OR1S2: variants seen among roughly 807,000 people sequenced by gnomAD.
OR1S2 encodes the protein olfactory receptor family 1 subfamily S member 2.
OR1S2 carries 1 observed loss-of-function variant against 1.7 expected under a neutral mutation model. The observed-to-expected ratio is 0.59, with a 90% CI of 0.21 to 2.81. The LOEUF (loss-of-function observed/expected upper bound fraction) is 2.81. OR1S2 is among the 30% of genes most tolerant of loss of function. The probability of loss-of-function intolerance (pLI) is 0.22; values close to 1 mark genes in which losing one functional copy is unlikely to be tolerated. For missense variants in OR1S2, 391 were observed against 371.6 expected (o/e 1.05, Z -0.43); for synonymous variants, 157 against 145.3 (o/e 1.08, Z -0.58).
chr11:58,203,744 T>G (rs1210413811), exon 1 of OR1S2: 1 of 1,613,970 alleles, frequency 6.2e-7, no homozygotes. Flanking sequence ...GCATGAAAGT[T>G]GTATAGTTCA....
At chr11:58,203,672 A>T in exon 1 of OR1S2, 1 of 1,614,098 alleles carries the variant, frequency 6.2e-7, no homozygotes, top group Non-Finnish European at 8.5e-7. Flanking sequence ...GGGTGTGTGT[A>T]AGAGCAATAA....
exon 1 of OR1S2, chr11:58,203,615 G>C (rs149451220): frequency 1.2e-6 from 2 of 1,614,194 alleles, no homozygotes. Context: ...CACAGAAGAA[G>C]TGTGGGAGAG....
chr11:58,203,369 C>T (rs750348902), exon 1 of OR1S2: 1 of 1,613,902 alleles, frequency 6.2e-7, no homozygotes, highest in African/African-American at 1.3e-5. Flanking sequence ...GGAAAAAGTA[C>T]ACGCCTACAG....
rs375910345 is a variant in OR1S2 at position 58,204,026 on chromosome 11, C to A, written c.117G>T (p.Val39=). The A allele has an allele frequency of 1.4e-5, 22 of 1,614,004 alleles. No individual in the cohort carries two copies. The South Asian group carries it at 2.3e-4, about 17-fold the overall frequency. The change falls in exon 1 of 1, where the codon GTG becomes GTT. Residue 39 remains valine (V), a synonymous_variant. Transcript: ENST00000641683. ...CCACAATGATGAGCCCGTTCCCAAC[C>A]ACAGTGACCACATACATACTCAGGA...
chr11:58,203,404 T>C lies in OR1S2; in HGVS notation c.739A>G (p.Ile247Val), dbSNP rs143725384. The C allele has an allele frequency of 7.5e-4, 1,210 of 1,613,420 alleles. 4 individuals are homozygous for C. The African/African-American group carries it at 0.01, about 14-fold the overall frequency. ...GTGGTTCCGTAGAACAGTAATGCAA[T>C]TGTCAGGTGAGAGCCACAAGTGGAG... Residue 247 changes from isoleucine (I) to valine (V), a missense_variant, in exon 1 of 1, where the codon ATT (isoleucine) becomes GTT (valine). Transcript: ENST00000641683.
chr11:58,203,324 A>T lies in OR1S2; in HGVS notation c.819T>A (p.Ile273=), dbSNP rs145428388. The change falls in exon 1 of 1, where the codon ATT becomes ATA. Residue 273 remains isoleucine (I), a synonymous_variant. Coordinates refer to ENST00000641683, the Ensembl canonical transcript of OR1S2. ...TCACCACAGTGAATAGGACAGCACCAATCTTATCAGTGTCCTCAGGGTGAG... is the reference window on the plus strand; with the variant it reads ...TCACCACAGTGAATAGGACAGCACCTATCTTATCAGTGTCCTCAGGGTGAG... 438 of 1,614,074 alleles carry T rather than the reference A, an allele frequency of 2.7e-4. 2 individuals are homozygous for T. The African/African-American group carries it at 5.1e-3, about 19-fold the overall frequency.
exon 1 of OR1S2, chr11:58,203,861 A>G (rs1340855970): frequency 1.9e-6 from 3 of 1,614,152 alleles, no homozygotes; most frequent in Non-Finnish European, 1.7e-6. Flanking sequence ...TGCAGCTCTC[A>G]TAAGAGATGG....
At chr11:58,203,447 C>T (rs756203155) in exon 1 of OR1S2, 33 of 1,613,892 alleles carry the variant, frequency 2.0e-5, no homozygotes, top group Non-Finnish European at 2.2e-5. Context: ...TCCACTTTCC[C>T]TGTGTGGATG....
chr11:58,203,889 AT>A lies in OR1S2; in HGVS notation c.253del (p.Ile85PhefsTer46). On this transcript the variant is annotated frameshift_variant, in exon 1 of 1. Transcript: ENST00000641683. LOFTEE classifies it low-confidence loss of function (END_TRUNC). ...AGAGATGGATTGGCTGTTGGTTTGA[AT>A]ATTCACCAGCATTTTGGGGACTGAG... 6.2e-7 allele frequency: 1 copy of A among 1,614,118 alleles called. No individual in the cohort carries two copies.
At chr11:58,204,004 C>T (rs1187450907) in exon 1 of OR1S2, 1 of 1,614,004 alleles carries the variant, frequency 6.2e-7, no homozygotes, top group South Asian at 1.1e-5. Context: ...CTGATAGCCA[C>T]AATGATGAGC....
chr11:58,203,793 G>T lies in OR1S2; in HGVS notation c.350C>A (p.Thr117Asn), dbSNP rs143141684. The stretch of plus-strand genomic sequence containing the variant: ...CGCCACAAAGTGGTCGAAGGCCATG[G>T]TCCCCAAAAGCAAATTGTCAGTGAC... Residue 117 changes from threonine to asparagine, a missense_variant, in exon 1 of 1, where the codon ACC becomes AAC. By Grantham distance (65) the Thr-to-Asn change is moderately conservative (BLOSUM62 0). Transcript: ENST00000641683. The T allele has an allele frequency of 9.2e-5, 149 of 1,614,102 alleles. 1 individual carries two copies. In the Middle Eastern group the frequency reaches 1.2e-3, roughly 13 times the overall value.
exon 1 of OR1S2, chr11:58,203,598 G>A (rs1432976614): frequency 3.7e-6 from 6 of 1,614,156 alleles, no homozygotes; most frequent in Non-Finnish European, 4.2e-6. Flanking sequence ...GAGCAGAGGG[G>A]CCAAGTCACA....
rs765326750 is a variant in OR1S2 at position 58,203,417 on chromosome 11, G to A, written c.726C>T (p.Gly242=). 35 of 1,613,904 alleles carry A rather than the reference G, an allele frequency of 2.2e-5. No homozygotes were observed. The South Asian group carries it at 3.8e-4, about 18-fold the overall frequency. Residue 242 remains glycine (G), a synonymous_variant, in exon 1 of 1, where the codon GGC becomes GGT. Transcript: ENST00000641683. The stretch of plus-strand genomic sequence containing the variant: ...ACAGTAATGCAATTGTCAGGTGAGA[G>A]CCACAAGTGGAGAAGGCTTTCCACT...
chr11:58,203,771 C>T, exon 1 of OR1S2: 4 of 1,614,056 alleles, frequency 2.5e-6, no homozygotes, highest in Non-Finnish European at 3.4e-6. Flanking sequence ...GGCAGATCGC[C>T]ACAAAGTGGT....
exon 1 of OR1S2, chr11:58,204,098 C>T: frequency 6.2e-7 from 1 of 1,614,018 alleles, no homozygotes; most frequent in Non-Finnish European, 8.5e-7. Context: ...TGGAGAGTCC[C>T]AGGAGAATGA....
exon 1 of OR1S2, chr11:58,203,803 G>A (rs1312499164): frequency 6.2e-7 from 1 of 1,614,008 alleles, no homozygotes; most frequent in African/African-American, 1.3e-5. Flanking sequence ...GTCCCCAAAA[G>A]CAAATTGTCA....
chr11:58,203,834 A>G, exon 1 of OR1S2: 1 of 1,614,142 alleles, frequency 6.2e-7, no homozygotes, highest in Middle Eastern at 1.6e-4. Context: ...ACACAATAGA[A>G]AAGTACATCT....
exon 1 of OR1S2, chr11:58,203,795 C>A: frequency 1.2e-6 from 2 of 1,614,096 alleles, no homozygotes; most frequent in South Asian, 1.1e-5. Context: ...AGGCCATGGT[C>A]CCCAAAAGCA....
At chr11:58,203,664 G>A in exon 1 of OR1S2, 1 of 1,614,162 alleles carries the variant, frequency 6.2e-7, no homozygotes, top group Non-Finnish European at 8.5e-7. Context: ...GAGCAGAAGG[G>A]TGTGTGTAAG....
Sources: gnomAD v4.1 joint callset for allele counts on GRCh38, gnomAD v4.1.1 for gene constraint, MANE v1.5 for transcripts, NCBI Gene and HGNC (gene_info 2026-07-23, HGNC 2026-07-21) for gene names.